The following LRRC4C variants were observed in gnomAD, a reference collection of about 807,000 sequenced individuals.
The protein encoded by LRRC4C is leucine-rich repeat-containing protein 4C.
A neutral mutation model predicts 33.6 loss-of-function variants in LRRC4C; 5 were observed. The ratio of observed to expected loss-of-function variants is 0.15; its 90% confidence interval spans 0.08 to 0.31. The LOEUF is 0.31. LRRC4C is among the 10% of genes least tolerant of loss of function. LRRC4C has a pLI of 1.00. For synonymous variants in LRRC4C, 329 were observed against 302.0 expected (o/e 1.09, Z -0.93); for missense variants, 560 against 796.7 (o/e 0.70, Z 3.58).
At chr11:40,469,407 G>T (rs536675280) in intron 3 of LRRC4C, among the ~76,000 whole-genome samples, 1 of 152,146 alleles carries the variant, frequency 6.6e-6, no homozygotes, top group Non-Finnish European at 1.5e-5. Context: ...ATTCCCTCAG[G>T]TGACTATACC....
intron 5 of LRRC4C, among the ~76,000 whole-genome samples, chr11:40,208,948 C>CATGTGT (rs3221638): frequency 6.8e-6 from 1 of 146,640 alleles, no homozygotes; most frequent in Non-Finnish European, 1.5e-5. Flanking sequence ...CTTTTGTGCA[C>CATGTGT]GTGTGTGTGT....
At chr11:41,386,139 T>G (rs900628024) in intron 1 of LRRC4C, among the ~76,000 whole-genome samples, 5 of 151,670 alleles carry the variant, frequency 3.3e-5, no homozygotes, top group Non-Finnish European at 5.9e-5. Context: ...GTTTATTCCA[T>G]TTGATACTTA....
chr11:40,571,260 A>G (rs1039805035), intron 3 of LRRC4C, among the ~76,000 whole-genome samples: 3 of 152,174 alleles, frequency 2.0e-5, no homozygotes, highest in Non-Finnish European at 2.9e-5. Flanking sequence ...GTTTGAGTAC[A>G]TCTGAATTTG....
chr11:40,899,111 C>T (rs1956096973), intron 2 of LRRC4C, among the ~76,000 whole-genome samples: 1 of 141,442 alleles, frequency 7.1e-6, no homozygotes, highest in Non-Finnish European at 1.6e-5. Context: ...AAAAAAAAAG[C>T]ATTTTATTTA....
At chr11:40,973,886 C>T (rs1011902571) in intron 1 of LRRC4C, among the ~76,000 whole-genome samples, 2 of 151,600 alleles carry the variant, frequency 1.3e-5, no homozygotes, top group South Asian at 2.1e-4. Context: ...AAAACAGCCC[C>T]GAGCCCATTT....
chr11:41,023,062 G>C (rs1349587325), intron 1 of LRRC4C, among the ~76,000 whole-genome samples: 1 of 151,748 alleles, frequency 6.6e-6, no homozygotes, highest in Admixed American at 6.6e-5. Context: ...AAAGCCTAAA[G>C]CACATTTTAA....
At chr11:40,754,428 GACCTCTTA>G (rs1948841949) in intron 2 of LRRC4C, among the ~76,000 whole-genome samples, 1 of 152,090 alleles carries the variant, frequency 6.6e-6, no homozygotes, top group Admixed American at 6.6e-5. Flanking sequence ...CCTCAGGAGT[GACCTCTTA>G]GGAACTATTT....
intron 4 of LRRC4C, among the ~76,000 whole-genome samples, chr11:40,269,342 CCTAACA>C (rs1360407517): frequency 6.6e-6 from 1 of 152,066 alleles, no homozygotes; most frequent in Non-Finnish European, 1.5e-5. Flanking sequence ...CAATCAAGTA[CCTAACA>C]CTAATTTTAA....
At chr11:41,227,125 G>A (rs1198357118) in intron 1 of LRRC4C, among the ~76,000 whole-genome samples, 1 of 151,900 alleles carries the variant, frequency 6.6e-6, no homozygotes, top group African/African-American at 2.4e-5. Flanking sequence ...TTCCCCTTTT[G>A]AAAAATGTTT....
intron 2 of LRRC4C, among the ~76,000 whole-genome samples, chr11:40,893,342 A>G (rs1023691850): frequency 2.6e-5 from 4 of 152,126 alleles, no homozygotes; most frequent in Non-Finnish European, 5.9e-5. Context: ...ACAATCACCA[A>G]TAATTTGTTG....
At position 40,536,710 on chromosome 11, in the gene LRRC4C, C is replaced by G. The variant is rs116269616; in HGVS notation, c.-270+111432G>C. ...CTGGAATGCTCTTTTTTTTTCAAAT[C>G]TCTACAGGGCTTATTTGCTTTTCTC... On this transcript the variant is annotated intron_variant, in intron 3 of 6. Coordinates refer to ENST00000528697, the MANE Select transcript of LRRC4C (RefSeq NM_001258419.2). Among the ~76,000 whole-genome samples the G allele has an allele frequency of 6.7e-3, 1,015 of 151,538 alleles. 16 individuals carry two copies. Among genetic ancestry groups the G allele is most frequent in the African/African-American group, 0.024 (974 of 41,378 alleles).
At chr11:40,867,003 A>C (rs1954400420) in intron 2 of LRRC4C, among the ~76,000 whole-genome samples, 1 of 152,012 alleles carries the variant, frequency 6.6e-6, no homozygotes, top group Non-Finnish European at 1.5e-5. Context: ...CTACTATTTG[A>C]TTATCAGTTT....
chr11:40,586,927 C>A (rs1958782556), intron 3 of LRRC4C, among the ~76,000 whole-genome samples: 1 of 152,080 alleles, frequency 6.6e-6, no homozygotes, highest in Non-Finnish European at 1.5e-5. Flanking sequence ...CAGCTTTGTT[C>A]TTTTGGCTTA....
At chr11:41,414,180 G>T (rs986266349) in intron 1 of LRRC4C, among the ~76,000 whole-genome samples, 7 of 152,114 alleles carry the variant, frequency 4.6e-5, no homozygotes, top group Non-Finnish European at 8.8e-5. Context: ...CACACTCAAT[G>T]CCTGACAGCT....
intron 2 of LRRC4C, among the ~76,000 whole-genome samples, chr11:40,899,478 C>G (rs1315931713): frequency 6.6e-6 from 1 of 152,086 alleles, no homozygotes; most frequent in Admixed American, 6.6e-5. Flanking sequence ...ACTTTCATGT[C>G]TTGTTGAGTC....
chr11:40,153,642 A>G (rs747253160), intron 5 of LRRC4C, among the ~76,000 whole-genome samples: 38 of 152,276 alleles, frequency 2.5e-4, no homozygotes, highest in Non-Finnish European at 4.0e-4. Context: ...TAGAAATGAA[A>G]AATGCTCTGG....
intron 1 of LRRC4C, among the ~76,000 whole-genome samples, chr11:41,094,642 A>G (rs951469551): frequency 2.6e-5 from 4 of 152,100 alleles, no homozygotes; most frequent in African/African-American, 9.7e-5. Context: ...CATAATACTC[A>G]CTGTTCTTAT....
chr11:40,814,239 C>T (rs960428332), intron 2 of LRRC4C, among the ~76,000 whole-genome samples: 1 of 152,172 alleles, frequency 6.6e-6, no homozygotes, highest in East Asian at 1.9e-4. Flanking sequence ...GGTGGAGGTT[C>T]CCAAACCTCA....
At chr11:41,282,782 T>G (rs1949713857) in intron 1 of LRRC4C, among the ~76,000 whole-genome samples, 1 of 152,170 alleles carries the variant, frequency 6.6e-6, no homozygotes, top group Non-Finnish European at 1.5e-5. Context: ...GGCATCTGAA[T>G]CCGAGGCCTC....
Sources: gnomAD v4.1 joint callset for allele counts (sites outside exome capture counted in the v4.1 genomes callset) on GRCh38, gnomAD v4.1.1 for gene constraint, MANE v1.5 for transcripts, NCBI Gene and HGNC (gene_info 2026-07-23, HGNC 2026-07-21) for gene names.